Variants in KLHL13 observed in about 807,000 individuals in gnomAD.
KLHL13 encodes kelch like family member 13.
Under a neutral mutation model 37.1 loss-of-function variants are expected in KLHL13, and 10 were observed. The observed-to-expected ratio is 0.27, with a 90% CI of 0.17 to 0.46. KLHL13 has a LOEUF of 0.46. Among genes scored for constraint, KLHL13 ranks in the 20% least tolerant of loss-of-function variants. The pLI, the probability that KLHL13 is intolerant of heterozygous loss-of-function variation, is 1.00. For missense variants in KLHL13, 360 were observed against 509.3 expected, an observed-to-expected ratio of 0.71 and a Z score of 2.82; for synonymous variants, 163 against 181.2, an observed-to-expected ratio of 0.90 and a Z score of 0.81.
At chrX:118,087,337 G>A (rs2055065364) in intron 1 of KLHL13, among the ~76,000 whole-genome samples, 1 of 109,506 alleles carries the variant, frequency 9.1e-6, no homozygotes, top group African/African-American at 3.3e-5. Flanking sequence ...TCCTTATACC[G>A]AGGTGACATC....
At chrX:117,935,731 C>T (rs1449499872) in intron 2 of KLHL13, among the ~76,000 whole-genome samples, 4 of 111,087 alleles carry the variant, frequency 3.6e-5, no homozygotes. Flanking sequence ...CCCTCATGAT[C>T]CAATTGCCTC....
intron 1 of KLHL13, among the ~76,000 whole-genome samples, chrX:117,998,906 T>A (rs369062713): frequency 9.1e-6 from 1 of 110,262 alleles, no homozygotes; most frequent in Non-Finnish European, 1.9e-5. Context: ...ACTATATAAA[T>A]ATATAAATTT....
intron 1 of KLHL13, among the ~76,000 whole-genome samples, chrX:118,071,690 C>G (rs1162278861): frequency 3.7e-5 from 4 of 109,021 alleles, no homozygotes; most frequent in Admixed American, 9.9e-5. Context: ...CAACAACAGA[C>G]AAACAAAGAG....
At chrX:118,100,610 A>C (rs1466588610) in intron 1 of KLHL13, among the ~76,000 whole-genome samples, 4 of 111,350 alleles carry the variant, frequency 3.6e-5, no homozygotes, top group Non-Finnish European at 7.5e-5. Context: ...CCTATCAGTC[A>C]GATACAACAT....
intron 1 of KLHL13, among the ~76,000 whole-genome samples, chrX:118,059,251 G>A (rs2054716390): frequency 9.0e-6 from 1 of 111,692 alleles, no homozygotes; most frequent in Non-Finnish European, 1.9e-5. Context: ...TATTGAAAAT[G>A]AAAAATACAT....
chrX:117,900,625 C>T (rs941413306), intron 6 of KLHL13, among the ~76,000 whole-genome samples: 2 of 111,768 alleles, frequency 1.8e-5, no homozygotes, highest in East Asian at 2.8e-4. Context: ...ACCTGCCAAT[C>T]ATATACTATA....
intron 2 of KLHL13, among the ~76,000 whole-genome samples, chrX:117,926,888 T>C (rs965221823): frequency 2.9e-5 from 1 of 34,805 alleles, no homozygotes; most frequent in African/African-American, 2.0e-4. Context: ...CCTACTTCTT[T>C]TTTTTTTTTT....
At chrX:117,983,723 A>C (rs910991142) in intron 1 of KLHL13, among the ~76,000 whole-genome samples, 1 of 111,748 alleles carries the variant, frequency 8.9e-6, no homozygotes, top group Non-Finnish European at 1.9e-5. Flanking sequence ...ACTTTTAAAA[A>C]CCCTTAACTA....
rs1555984409 is a variant in KLHL13, at chrX:118,007,392, A to AAGAGAG, written c.-55-61823_-55-61818dup. ...TGTCAAAAAAAAAAAAAAAAAAAAAAAGAGAGAGAGACCTGCCAGCCCTGG... is the reference window on the plus strand; with the variant it reads ...TGTCAAAAAAAAAAAAAAAAAAAAAAAGAGAGAGAGAGAGAGACCTGCCAGCCCTGG... On this transcript the variant is annotated intron_variant, in intron 1 of 6. Coordinates refer to the KLHL13 transcript ENST00000371882. Among the ~76,000 whole-genome samples the AAGAGAG allele has an allele frequency of 2.0e-3, 203 of 103,859 alleles. 5 individuals are homozygous for AAGAGAG. Among genetic ancestry groups the AAGAGAG allele is most frequent in the African/African-American group, 7.2e-3 (190 of 26,244 alleles). The allele number at this position is 103,859 out of a possible 115,157, so 90.2% of individuals were successfully genotyped here. A position where few individuals can be genotyped will look rare whatever the true frequency, so the allele number is the denominator to read the frequency against.
intron 1 of KLHL13, among the ~76,000 whole-genome samples, chrX:117,970,934 C>T (rs926322455): frequency 9.0e-6 from 1 of 111,699 alleles, no homozygotes; most frequent in African/African-American, 3.2e-5. Flanking sequence ...TATATTTTTC[C>T]ATTCTACCTA....
upstream of KLHL13, among the ~76,000 whole-genome samples, chrX:117,976,870 G>C (rs2053602877): frequency 8.9e-6 from 1 of 112,224 alleles, no homozygotes; most frequent in Admixed American, 9.4e-5. Context: ...CCAACTCTTA[G>C]AATGTAAAAG....
chrX:117,949,828 GA>G (rs1393657886), intron 1 of KLHL13, among the ~76,000 whole-genome samples: 1 of 112,109 alleles, frequency 8.9e-6, no homozygotes, highest in Non-Finnish European at 1.9e-5. Context: ...TTATCATCAT[GA>G]AAACACAATA....
intron 1 of KLHL13, among the ~76,000 whole-genome samples, chrX:118,043,538 C>G (rs2054527437): frequency 2.7e-5 from 3 of 111,665 alleles, no homozygotes; most frequent in Non-Finnish European, 3.8e-5. Context: ...GACCATTCAT[C>G]AAGATCAAAT....
At chrX:118,035,211 A>G (rs1318383391) in intron 1 of KLHL13, among the ~76,000 whole-genome samples, 2 of 104,567 alleles carry the variant, frequency 1.9e-5, no homozygotes, top group Non-Finnish European at 3.8e-5. Flanking sequence ...CAATCAATAG[A>G]AAAAGAGGGA....
chrX:118,004,217 G>A (rs756900732), intron 1 of KLHL13, among the ~76,000 whole-genome samples: 17 of 111,701 alleles, frequency 1.5e-4, no homozygotes, highest in Non-Finnish European at 3.0e-4. Flanking sequence ...GAGAACTCAT[G>A]GTTTCAATGG....
intron 2 of KLHL13, among the ~76,000 whole-genome samples, chrX:117,926,771 C>T (rs890898625): frequency 9.2e-6 from 1 of 108,623 alleles, no homozygotes; most frequent in African/African-American, 3.4e-5. Context: ...CACCTCACCC[C>T]ACCCCCTATC....
At chrX:118,115,708 T>C (rs1278977775) in intron 1 of KLHL13, among the ~76,000 whole-genome samples, 2 of 112,529 alleles carry the variant, frequency 1.8e-5, no homozygotes, top group African/African-American at 3.2e-5. Flanking sequence ...CTCTCAGGCC[T>C]GCTCAGCAGC....
intron 1 of KLHL13, among the ~76,000 whole-genome samples, chrX:118,016,916 A>G (rs779997869): frequency 8.9e-6 from 1 of 112,020 alleles, no homozygotes; most frequent in East Asian, 2.8e-4. Flanking sequence ...CAAACATTGT[A>G]AAATTCATCC....
intron 2 of KLHL13, among the ~76,000 whole-genome samples, chrX:117,930,278 A>AGGC (rs1486717452): frequency 2.1e-4 from 19 of 88,777 alleles, no homozygotes; most frequent in African/African-American, 8.6e-4. Flanking sequence ...GGAAGGAAGG[A>AGGC]AGGAAGGAAG....
Sources: allele counts gnomAD v4.1 joint callset (sites outside exome capture counted in the v4.1 genomes callset), GRCh38; gene constraint gnomAD v4.1.1; transcripts MANE v1.5; gene names NCBI Gene and HGNC (gene_info 2026-07-23, HGNC 2026-07-21).